Variants in ARHGAP39 observed in about 807,000 individuals in gnomAD.
The protein encoded by ARHGAP39 is rho GTPase-activating protein 39.
Under a neutral mutation model 106.9 loss-of-function variants are expected in ARHGAP39, and 44 were observed. That is an observed-to-expected ratio of 0.41 (90% confidence interval 0.32 to 0.53). The LOEUF is 0.53. Among genes scored for constraint, ARHGAP39 ranks in the 20% least tolerant of loss-of-function variants. The pLI, the probability that ARHGAP39 is intolerant of heterozygous loss-of-function variation, is 0.21. For missense variants in ARHGAP39, 1,496 were observed against 1,577.3 expected, an observed-to-expected ratio of 0.95 and a Z score of 0.87; for synonymous variants, 768 against 693.2, an observed-to-expected ratio of 1.11 and a Z score of -1.69.
Position 144,684,221 on chromosome 8 carries a change from C to CT in ARHGAP39, c.-82+1464dup, listed in dbSNP as rs970709340. On this transcript the variant is annotated intron_variant, in intron 1 of 11. Transcript: ENST00000377307. This position sits in a 1 kb window ranked among gnomAD's most constrained non-coding sequence, Gnocchi z 4.4. ...ATTCATTCACTCCAAGCATTTATGG[C>CT]TACAGAGCCTGCGCCCAGGGCGGTT... Among the ~76,000 whole-genome samples, 3 of 152,202 alleles carry CT rather than the reference C, an allele frequency of 2.0e-5. No individual in the cohort carries two copies. The highest frequency in any genetic ancestry group is 1.3e-4 in the Admixed American group (2 of 15,278).
At chr8:144,619,931 C>T (rs1820749945) in intron 1 of ARHGAP39, among the ~76,000 whole-genome samples, 2 of 116,126 alleles carry the variant, frequency 1.7e-5, no homozygotes, top group Non-Finnish European at 3.6e-5. Context: ...TGCGTGTGAG[C>T]CTGTGTCCCT....
rs111550311 is a variant in ARHGAP39 at position 144,549,529 on chromosome 8, T to C, written c.597-1040A>G. On this transcript the variant is annotated intron_variant, in intron 4 of 11. Transcript: ENST00000377307. ...GTTTTTTTGAGACGGAGTCTTGCTC[T>C]GTCGCCAGGCTGGAGTATAGCGGCA... 4.1e-3 allele frequency among the ~76,000 whole-genome samples: 622 copies of C among 152,352 alleles called. 4 individuals are homozygous for C. The highest frequency in any genetic ancestry group is 0.014 in the African/African-American group (582 of 41,582).
At chr8:144,661,950 C>G (rs937042649) in intron 1 of ARHGAP39, among the ~76,000 whole-genome samples, 3 of 145,580 alleles carry the variant, frequency 2.1e-5, no homozygotes, top group Non-Finnish European at 3.0e-5. Context: ...GCTTCCTCTT[C>G]CCCGTTATCC....
At chr8:144,606,269 AAC>A (rs1820288285) in intron 1 of ARHGAP39, among the ~76,000 whole-genome samples, 1 of 152,110 alleles carries the variant, frequency 6.6e-6, no homozygotes, top group African/African-American at 2.4e-5. Flanking sequence ...ATCCTTGAAA[AAC>A]ACGGGTCTGA....
chr8:144,556,284 A>G (rs911879369), intron 3 of ARHGAP39, among the ~76,000 whole-genome samples: 5 of 96,942 alleles, frequency 5.2e-5, no homozygotes, highest in Admixed American at 5.1e-4. Context: ...GACTCCATCT[A>G]AAAAAAAAAA....
At chr8:144,590,662 A>G (rs1192251174) in intron 2 of ARHGAP39, among the ~76,000 whole-genome samples, 2 of 152,210 alleles carry the variant, frequency 1.3e-5, no homozygotes, top group Non-Finnish European at 2.9e-5. Flanking sequence ...CTGCAAGGCC[A>G]GCCTGCAGAA....
intron 9 of ARHGAP39, 146 bp downstream of exon 9, chr8:144,532,980 T>G: frequency 2.0e-6 from 2 of 1,014,980 alleles, no homozygotes; most frequent in Non-Finnish European, 2.8e-6. Flanking sequence ...GCTTCCACAC[T>G]GTGGCCCCAC....
intron 2 of ARHGAP39, among the ~76,000 whole-genome samples, chr8:144,600,951 C>T (rs1227158980): frequency 7.1e-6 from 1 of 140,212 alleles, no homozygotes; most frequent in African/African-American, 2.7e-5. Flanking sequence ...CATGTGTGTG[C>T]TCGTATACCT....
chr8:144,547,660 ACCAGGACATGGCATCCT>A lies in ARHGAP39; in HGVS notation c.1409_1425del (p.Glu470ValfsTer36). 1 of 1,556,136 alleles carries A rather than the reference ACCAGGACATGGCATCCT, an allele frequency of 6.4e-7. No individual in the cohort carries two copies. The highest frequency in any genetic ancestry group is 8.7e-7 in the Non-Finnish European group (1 of 1,154,680). ...GAGGACAGGGTGTCCTGCTGGCTGG[ACCAGGACATGGCATCCT>A]CCTGGGCCTGTGGCAGCGGCGTGGG... On this transcript the variant is annotated frameshift_variant, in exon 5 of 12. Transcript: ENST00000377307. LOFTEE classifies it high-confidence loss of function. The surrounding 1 kb of genome is among the most constrained non-coding windows in gnomAD (Gnocchi z 5.2).
intron 2 of ARHGAP39, 40 bp from the exon 3 acceptor site, chr8:144,581,317 G>A: frequency 6.7e-7 from 1 of 1,501,894 alleles, no homozygotes; most frequent in Non-Finnish European, 8.9e-7. Flanking sequence ...AGCCACGGCG[G>A]CCTGGGCCCG....
At chr8:144,582,627 G>A (rs1290582257) in intron 2 of ARHGAP39, among the ~76,000 whole-genome samples, 1 of 152,232 alleles carries the variant, frequency 6.6e-6, no homozygotes, top group African/African-American at 2.4e-5. Flanking sequence ...GTGGGGCCAT[G>A]AGGTGGGCGT....
intron 1 of ARHGAP39, among the ~76,000 whole-genome samples, chr8:144,675,457 C>T (rs189839841): frequency 1.3e-3 from 197 of 152,262 alleles, no homozygotes; most frequent in African/African-American, 4.5e-3. Context: ...CTGGTGGGCT[C>T]GTGGTCTTGC....
chr8:144,627,938 G>A (rs1311349802), intron 1 of ARHGAP39, among the ~76,000 whole-genome samples: 1 of 152,150 alleles, frequency 6.6e-6, no homozygotes, highest in Non-Finnish European at 1.5e-5. Context: ...CCCTGCCTCG[G>A]AGCCAGTGGG....
intron 3 of ARHGAP39, among the ~76,000 whole-genome samples, chr8:144,575,042 T>C (rs149940459): frequency 2.2e-4 from 33 of 152,322 alleles, no homozygotes; most frequent in Non-Finnish European, 4.1e-4. Context: ...GAATGCTAAA[T>C]GCCATTGTAA....
chr8:144,605,122 C>T (rs1472261364), intron 2 of ARHGAP39, among the ~76,000 whole-genome samples: 1 of 152,028 alleles, frequency 6.6e-6, no homozygotes, highest in Non-Finnish European at 1.5e-5. Flanking sequence ...ATCAGCTAGA[C>T]GTGGTGGTGC....
intron 10 of ARHGAP39, among the ~76,000 whole-genome samples, chr8:144,531,171 A>C (rs537785485): frequency 1.3e-5 from 2 of 151,974 alleles, no homozygotes; most frequent in African/African-American, 4.8e-5. Context: ...GAGCAGGCAC[A>C]GCTGAAGGGC....
In ARHGAP39 at chr8:144,545,284, A is replaced by G; in HGVS notation, c.2486T>C (p.Ile829Thr). ...ATTGACGGGGTCCATGTGCCGGTAG[A>G]TGTAGCCTTCCAGGTAGGAGTGGAA... ...PKFHSYLEGY[I>T]YRHMDPVNDT... The change falls in exon 6 of 12, where the codon ATC becomes ACC. Residue 829 changes from isoleucine (I) to threonine (T), a missense_variant. Coordinates refer to ENST00000377307, the MANE Select transcript of ARHGAP39 (RefSeq NM_025251.3). The G allele has an allele frequency of 1.3e-6, 2 of 1,564,392 alleles. No homozygotes were observed. The highest frequency in any genetic ancestry group is 1.2e-5 in the South Asian group (1 of 86,830).
At chr8:144,694,438 C>CA in the ARHGAP39 span, among the ~76,000 whole-genome samples, 1 of 152,230 alleles carries the variant, frequency 6.6e-6, no homozygotes, top group Non-Finnish European at 1.5e-5. Context: ...TGGAACGGCT[C>CA]AGCCCAAGGA....
chr8:144,566,854 CAAAAAAAGAAAAAAA>C (rs1255792826), intron 3 of ARHGAP39, among the ~76,000 whole-genome samples: 1 of 111,884 alleles, frequency 8.9e-6, no homozygotes, highest in Non-Finnish European at 1.8e-5. Context: ...GACTCCATCT[CAAAAAAAGAAAAAAA>C]AAAAAAAGAA....
Sources: allele counts gnomAD v4.1 joint callset (sites outside exome capture counted in the v4.1 genomes callset), GRCh38; gene constraint gnomAD v4.1.1; non-coding constraint Gnocchi (gnomAD v3.1); transcripts MANE v1.5; gene names NCBI Gene and HGNC (gene_info 2026-07-23, HGNC 2026-07-21).